TIPRL: variants seen among roughly 807,000 people sequenced by gnomAD.
TIPRL encodes the protein TOR signaling pathway regulator.
Under a neutral mutation model 32.3 loss-of-function variants are expected in TIPRL, and 10 were observed. The ratio of observed to expected loss-of-function variants is 0.31; its 90% CI spans 0.19 to 0.52. The LOEUF is 0.52. Among genes scored for constraint, TIPRL ranks in the 20% least tolerant of loss-of-function variants. TIPRL has a pLI of 0.96. For missense variants in TIPRL, 250 were observed against 328.1 expected (o/e 0.76, Z 1.84); for synonymous variants, 100 against 114.0 (o/e 0.88, Z 0.78).
intron 4 of TIPRL, among the ~76,000 whole-genome samples, chr1:168,193,808 C>T (rs1306236176): frequency 1.3e-5 from 2 of 152,110 alleles, no homozygotes; most frequent in Admixed American, 6.6e-5. Context: ...ATTTAATCCA[C>T]CTACTTTGCA....
chr1:168,196,991 A>G (rs1700165983), intron 5 of TIPRL, among the ~76,000 whole-genome samples: 1 of 152,206 alleles, frequency 6.6e-6, no homozygotes, highest in Non-Finnish European at 1.5e-5. Context: ...CCTGATGTAC[A>G]TTAATATACA....
chr1:168,181,576 T>A (rs1420049900), intron 1 of TIPRL, among the ~76,000 whole-genome samples: 1 of 150,714 alleles, frequency 6.6e-6, no homozygotes, highest in African/African-American at 2.4e-5. Flanking sequence ...GGTTTTTAAT[T>A]GCAAAACCGC....
chr1:168,184,214 G>A, intron 2 of TIPRL, 133 bp downstream of exon 2: 1 of 865,934 alleles, frequency 1.2e-6, no homozygotes, highest in Non-Finnish European at 1.7e-6. Context: ...AAACTTGAGA[G>A]TTGTATCATT....
chr1:168,193,811 A>G (rs1380704357), intron 4 of TIPRL, among the ~76,000 whole-genome samples: 1 of 152,234 alleles, frequency 6.6e-6, no homozygotes, highest in African/African-American at 2.4e-5. Flanking sequence ...TAATCCACCT[A>G]CTTTGCAGCA....
At chr1:168,188,105 ATAT>A (rs1700050412) in intron 3 of TIPRL, among the ~76,000 whole-genome samples, 1 of 152,228 alleles carries the variant, frequency 6.6e-6, no homozygotes, top group Non-Finnish European at 1.5e-5. Context: ...TATCTATGGT[ATAT>A]TATTATATTA....
At chr1:168,183,859 C>G (rs1353486935) in intron 1 of TIPRL, 43 bp from the exon 2 acceptor site, 1 of 1,579,472 alleles carries the variant, frequency 6.3e-7, no homozygotes, top group East Asian at 2.3e-5. Flanking sequence ...AAAATGCCAA[C>G]AGCGATATAA....
In TIPRL at chr1:168,191,350, T is replaced by G; in HGVS notation, c.385-19T>G. ...AACTTTTTTTTTAATGTGCTCCTCT[T>G]TAAAATTTTTTCTTTCAGGTTGTAC... On this transcript the variant is annotated intron_variant, in intron 3 of 6. Coordinates refer to ENST00000367833, the MANE Select transcript of TIPRL (RefSeq NM_152902.5). 6.6e-7 allele frequency: 1 copy of G among 1,515,566 alleles called. No individual in the cohort carries two copies. The highest frequency in any genetic ancestry group is 8.7e-7 in the Non-Finnish European group (1 of 1,144,826). 93.9% of individuals were successfully genotyped at this position (1,515,566 alleles called of 1,614,324 possible).
intron 3 of TIPRL, among the ~76,000 whole-genome samples, chr1:168,187,087 A>G (rs1457333299): frequency 6.6e-6 from 1 of 152,248 alleles, no homozygotes; most frequent in Non-Finnish European, 1.5e-5. Context: ...GCTCTATGCC[A>G]GGCACTAATG....
intron 3 of TIPRL, among the ~76,000 whole-genome samples, chr1:168,188,774 T>G (rs1164824273): frequency 6.6e-6 from 1 of 151,922 alleles, no homozygotes; most frequent in Admixed American, 6.6e-5. Context: ...AGGTCAGGAG[T>G]TCGAGACCAG....
chr1:168,198,481 T>C (rs1700180243), intron 5 of TIPRL, among the ~76,000 whole-genome samples: 1 of 152,104 alleles, frequency 6.6e-6, no homozygotes, highest in South Asian at 2.1e-4. Context: ...TGGGAAAGAA[T>C]AAAAATTTTA....
intron 5 of TIPRL, among the ~76,000 whole-genome samples, chr1:168,197,056 G>A (rs1276077874): frequency 1.3e-5 from 2 of 152,216 alleles, no homozygotes; most frequent in Non-Finnish European, 2.9e-5. Flanking sequence ...GCTCACGCCT[G>A]TAATCCCGGC....
In TIPRL at chr1:168,200,212, C is replaced by T; in HGVS notation, c.*166C>T. 1 of 625,528 alleles carries T rather than the reference C, an allele frequency of 1.6e-6. No homozygotes were observed. Among genetic ancestry groups the T allele is most frequent in the Non-Finnish European group, 2.6e-6 (1 of 377,468 alleles). The allele number at this position is 625,528 out of a possible 1,614,324, so 38.7% of individuals were successfully genotyped here. On this transcript the variant is annotated 3_prime_UTR_variant, in exon 7 of 7. Coordinates refer to ENST00000367833, the MANE Select transcript of TIPRL (RefSeq NM_152902.5). Reference sequence around the variant, plus strand: ...GTTACAGGCAGGTTTCACTCAACTGCTGTTTGTACTGTCTGTCTTCACATT... The same window carrying T: ...GTTACAGGCAGGTTTCACTCAACTGTTGTTTGTACTGTCTGTCTTCACATT...
intron 3 of TIPRL, among the ~76,000 whole-genome samples, chr1:168,185,941 G>A (rs1700021901): frequency 1.3e-5 from 2 of 150,640 alleles, no homozygotes; most frequent in African/African-American, 4.9e-5. Context: ...CAGGCATGGT[G>A]GAGCATGCCT....
chr1:168,190,987 C>T (rs1334261238), intron 3 of TIPRL, among the ~76,000 whole-genome samples: 1 of 152,166 alleles, frequency 6.6e-6, no homozygotes, highest in Non-Finnish European at 1.5e-5. Context: ...ATATGAATGT[C>T]CTAAAAGTGG....
At chr1:168,184,480 C>T (rs1427156972) in intron 2 of TIPRL, among the ~76,000 whole-genome samples, 2 of 152,112 alleles carry the variant, frequency 1.3e-5, no homozygotes, top group Admixed American at 6.6e-5. Context: ...GTCAAATCAG[C>T]AATTATTTAC....
chr1:168,184,085 A>G lies in TIPRL; in HGVS notation c.284+4A>G, dbSNP rs751923685. The G allele has an allele frequency of 6.2e-7, 1 of 1,602,444 alleles. No individual in the cohort carries two copies. The highest frequency in any genetic ancestry group is 1.7e-5 in the Admixed American group (1 of 59,540). ...CTGAAGAGTGGCAAGAAAGCAGGTG[A>G]GAATCCGGTCAATTAGGTTAAACAA... On this transcript the variant is annotated splice_donor_region_variant and intron_variant, in intron 2 of 6. Transcript: ENST00000367833.
At chr1:168,180,820 C>CTTTTTTTTTTTTTTTTTTTTTTTTTTTTT in intron 1 of TIPRL, among the ~76,000 whole-genome samples, 1 of 124,166 alleles carries the variant, frequency 8.1e-6, no homozygotes, top group Non-Finnish European at 1.7e-5. Flanking sequence ...TTTTTTATAA[C>CTTTTTTTTTTTTTTTTTTTTTTTTTTTTT]TTTTTTTTTT....
At chr1:168,194,275 A>G (rs906181558) in intron 4 of TIPRL, among the ~76,000 whole-genome samples, 2 of 152,224 alleles carry the variant, frequency 1.3e-5, no homozygotes, top group African/African-American at 4.8e-5. Flanking sequence ...TGTCCTGTGC[A>G]TCCCAGATCT....
intron 4 of TIPRL, among the ~76,000 whole-genome samples, chr1:168,193,194 TAAA>T (rs1700118889): frequency 6.6e-6 from 1 of 152,072 alleles, no homozygotes; most frequent in African/African-American, 2.4e-5. Context: ...TTTAGATAAA[TAAA>T]AAATTTTATT....
Sources: gnomAD v4.1 joint callset for allele counts (sites outside exome capture counted in the v4.1 genomes callset) on GRCh38, gnomAD v4.1.1 for gene constraint, MANE v1.5 for transcripts, NCBI Gene and HGNC (gene_info 2026-07-23, HGNC 2026-07-21) for gene names.